Variants in ECM2 observed in about 807,000 individuals in gnomAD.
The protein encoded by ECM2 is extracellular matrix protein 2, also known as extracellular matrix protein 2, female organ and adipocyte specific.
A neutral mutation model predicts 67.5 loss-of-function variants in ECM2; 57 were observed. The ratio of observed to expected loss-of-function variants is 0.84; its 90% CI spans 0.68 to 1.05. The LOEUF (loss-of-function observed/expected upper bound fraction) is 1.05. Ranked by LOEUF, ECM2 falls within the 50% of genes least tolerant of loss-of-function variation. The probability of loss-of-function intolerance (pLI) is 0.00; values close to 1 mark genes in which losing one functional copy is unlikely to be tolerated. For synonymous variants in ECM2, 258 were observed against 294.5 expected (o/e 0.88, Z 1.27); for missense variants, 741 against 822.8 (o/e 0.90, Z 1.22).
At chr9:92,505,358 G>T (rs1327084320) in intron 7 of ECM2, among the ~76,000 whole-genome samples, 175 bp downstream of exon 7, 2 of 151,888 alleles carry the variant, frequency 1.3e-5, no homozygotes, top group Non-Finnish European at 2.9e-5. Context: ...TTATAATTTC[G>T]ATTCAGAATT....
chr9:92,512,061 G>T lies in ECM2; in HGVS notation c.1120C>A (p.Leu374Met), dbSNP rs1298129026. 1.2e-6 allele frequency: 2 copies of T among 1,613,844 alleles called. No homozygotes were observed. Among genetic ancestry groups the T allele is most frequent in the Non-Finnish European group, 8.5e-7 (1 of 1,179,840 alleles). The change falls in exon 5 of 10, where the codon CTG (leucine) becomes ATG (methionine). Residue 374 changes from leucine to methionine, a missense_variant. Physicochemically the swap from Leu to Met is conservative, Grantham distance 15. Coordinates refer to ENST00000344604, the MANE Select transcript of ECM2 (RefSeq NM_001393.4). The part of the protein sequence containing the change: ...NGLPNLERLD[L>M]SKNNITSSGI... Reference sequence around the variant, plus strand: ...GAAGAAGTGATATTATTTTTACTCAGATCAAGCCTTTCCAAATTTGGTAAT... The same window carrying T: ...GAAGAAGTGATATTATTTTTACTCATATCAAGCCTTTCCAAATTTGGTAAT...
chr9:92,543,007 T>G, the ECM2 span, among the ~76,000 whole-genome samples: 2 of 152,226 alleles, frequency 1.3e-5, no homozygotes, highest in South Asian at 4.1e-4. Flanking sequence ...TTGGCACTTT[T>G]GTCAAAAACC....
At chr9:92,520,273 AC>A (rs1335798229) in intron 2 of ECM2, among the ~76,000 whole-genome samples, 1 of 151,632 alleles carries the variant, frequency 6.6e-6, no homozygotes, top group African/African-American at 2.4e-5. Flanking sequence ...GCAGAGCAAG[AC>A]CCCATCTCTT....
At chr9:92,551,406 T>C in the ECM2 span, among the ~76,000 whole-genome samples, 1 of 152,168 alleles carries the variant, frequency 6.6e-6, no homozygotes, top group Non-Finnish European at 1.5e-5. Flanking sequence ...GGCACAACCA[T>C]GGCTTACTGT....
At chr9:92,532,726 T>C (rs1363465361) in intron 1 of ECM2, among the ~76,000 whole-genome samples, 3 of 152,190 alleles carry the variant, frequency 2.0e-5, no homozygotes, top group African/African-American at 7.2e-5. Flanking sequence ...TTTAATCTCA[T>C]CTTTTATTTT....
At chr9:92,552,216 C>A in the ECM2 span, among the ~76,000 whole-genome samples, 5 of 146,752 alleles carry the variant, frequency 3.4e-5, no homozygotes. Context: ...CACACACACA[C>A]CCCACAGTTT....
At chr9:92,558,884 T>C in the ECM2 span, among the ~76,000 whole-genome samples, 1 of 152,148 alleles carries the variant, frequency 6.6e-6, no homozygotes, top group South Asian at 2.1e-4. Flanking sequence ...CTTCCTCTGC[T>C]GAGTCATGCA....
intron 1 of ECM2, among the ~76,000 whole-genome samples, chr9:92,533,303 C>CAAACAAAAA (rs1223222898): frequency 3.3e-5 from 1 of 29,882 alleles, no homozygotes; most frequent in Non-Finnish European, 5.6e-5. Context: ...CGGTCTCAAA[C>CAAACAAAAA]AAAAAAAAAA....
the ECM2 span, among the ~76,000 whole-genome samples, chr9:92,545,185 C>T: frequency 0.18 from 26,808 of 152,188 alleles, 3,431 homozygotes; most frequent in East Asian, 0.66. Flanking sequence ...GCTGTGGGAG[C>T]TCCTTCCTGG....
chr9:92,515,412 T>C (rs907371583), intron 3 of ECM2, among the ~76,000 whole-genome samples: 1 of 152,226 alleles, frequency 6.6e-6, no homozygotes, highest in Non-Finnish European at 1.5e-5. Context: ...TTTATTCACC[T>C]GTGGGCCTTA....
rs891098850 is a variant in ECM2, at chr9:92,495,359, A to T, written c.*956T>A. The T allele has an allele frequency of 5.2e-6, 5 of 967,816 alleles. No homozygotes were observed. Among genetic ancestry groups the T allele is most frequent in the Non-Finnish European group, 6.1e-6 (5 of 813,990 alleles). The allele number at this position is 967,816 out of a possible 1,614,324, so 60.0% of individuals were successfully genotyped here. On this transcript the variant is annotated 3_prime_UTR_variant, in exon 10 of 10. Coordinates refer to ENST00000344604, the MANE Select transcript of ECM2 (RefSeq NM_001393.4). ...TATATGATTTTGGTAGGGCCAATAC[A>T]TAGTAAAGACATAGCTTTATTTCAA...
intron 9 of ECM2, 73 bp downstream of exon 9, chr9:92,500,654 C>G (rs151131364): frequency 1.4e-6 from 2 of 1,427,502 alleles, no homozygotes; most frequent in East Asian, 2.3e-5. Context: ...TCCCAGAGAT[C>G]ATGTCATGGT....
chr9:92,551,315 G>A, the ECM2 span, among the ~76,000 whole-genome samples: 3 of 152,022 alleles, frequency 2.0e-5, no homozygotes, highest in African/African-American at 7.2e-5. Context: ...TTGTGATATA[G>A]CATACTTCCC....
At chr9:92,504,217 T>G (rs1846855255) in intron 7 of ECM2, among the ~76,000 whole-genome samples, 1 of 152,142 alleles carries the variant, frequency 6.6e-6, no homozygotes, top group Non-Finnish European at 1.5e-5. Context: ...GGTCCAAGAG[T>G]CTGTATTTCT....
intron 8 of ECM2, among the ~76,000 whole-genome samples, chr9:92,501,381 C>G (rs1291093279): frequency 6.6e-6 from 1 of 152,130 alleles, no homozygotes; most frequent in Non-Finnish European, 1.5e-5. Context: ...GCGTTGAATC[C>G]AAAATGAAAT....
the ECM2 span, among the ~76,000 whole-genome samples, chr9:92,556,894 C>T: frequency 2.6e-5 from 4 of 151,964 alleles, no homozygotes; most frequent in African/African-American, 9.7e-5. Flanking sequence ...TTTGCTTTTG[C>T]TTTTTAGCTT....
intron 1 of ECM2, among the ~76,000 whole-genome samples, chr9:92,533,303 C>CAAACA (rs1223222898): frequency 2.0e-4 from 6 of 29,884 alleles, no homozygotes; most frequent in South Asian, 2.7e-3. Context: ...CGGTCTCAAA[C>CAAACA]AAAAAAAAAA....
At chr9:92,541,121 C>T (rs372782012), upstream of ECM2, among the ~76,000 whole-genome samples, 30 of 151,358 alleles carry the variant, frequency 2.0e-4, no homozygotes, top group African/African-American at 7.0e-4. Flanking sequence ...TAGCCAGGTG[C>T]GGTGGCGGGT....
intron 1 of ECM2, 28 bp downstream of exon 1, chr9:92,535,905 A>C: frequency 2.2e-6 from 1 of 462,556 alleles, no homozygotes; most frequent in Non-Finnish European, 4.1e-6. Flanking sequence ...CATGCTAAGT[A>C]GAAACTTAAA....
Sources: allele counts gnomAD v4.1 joint callset (sites outside exome capture counted in the v4.1 genomes callset), GRCh38; gene constraint gnomAD v4.1.1; transcripts MANE v1.5; gene names NCBI Gene and HGNC (gene_info 2026-07-23, HGNC 2026-07-21).